The following FRRS1L variants were observed in gnomAD, a reference collection of about 807,000 sequenced individuals.
The protein encoded by FRRS1L is DOMON domain-containing protein FRRS1L.
In FRRS1L, 22 loss-of-function variants were observed where a neutral mutation model predicts 28.6. The observed-to-expected ratio is 0.77, with a 90% CI of 0.55 to 1.10. The LOEUF (loss-of-function observed/expected upper bound fraction) is 1.10. FRRS1L is among the 50% of genes least tolerant of loss of function. The probability of loss-of-function intolerance (pLI) is 0.00; values close to 1 mark genes in which losing one functional copy is unlikely to be tolerated. For synonymous variants in FRRS1L, 158 were observed against 151.4 expected, an observed-to-expected ratio of 1.04 and a Z score of -0.32; for missense variants, 380 against 386.9, an observed-to-expected ratio of 0.98 and a Z score of 0.15.
chr9:109,154,414 A>C (rs1412754760), intron 1 of FRRS1L, among the ~76,000 whole-genome samples: 2 of 152,212 alleles, frequency 1.3e-5, no homozygotes, highest in African/African-American at 4.8e-5. Context: ...TGATTGATGC[A>C]GACTAAATGG....
intron 2 of FRRS1L, chr9:109,147,696 CCA>C (rs1350296370): frequency 6.5e-6 from 1 of 152,758 alleles, no homozygotes; most frequent in Non-Finnish European, 1.5e-5. Flanking sequence ...AACTAATAAA[CCA>C]GGAACATTGA....
chr9:109,165,222 A>G (rs987462211), intron 1 of FRRS1L, among the ~76,000 whole-genome samples: 32 of 152,210 alleles, frequency 2.1e-4, no homozygotes, highest in African/African-American at 7.0e-4. Flanking sequence ...AGAAGACTAC[A>G]TTTCTTAGTC....
In FRRS1L at chr9:109,134,995, T is replaced by G. The variant is rs1475409382; in HGVS notation, c.*2460A>C. The G allele has an allele frequency of 6.6e-6, 1 of 152,222 alleles. No homozygotes were observed. Among genetic ancestry groups the G allele is most frequent in the African/African-American group, 2.4e-5 (1 of 41,454 alleles). 9.4% of individuals were successfully genotyped at this position (152,222 alleles called of 1,614,324 possible). Reference sequence around the variant, plus strand: ...GTTTGAATCCTACCCAGTTCCATTATGCACTTGATGTCATTTAATTTCTCC... The same window carrying G: ...GTTTGAATCCTACCCAGTTCCATTAGGCACTTGATGTCATTTAATTTCTCC... On this transcript the variant is annotated 3_prime_UTR_variant, in exon 5 of 5. Coordinates refer to ENST00000561981, the MANE Select transcript of FRRS1L (RefSeq NM_014334.4).
chr9:109,143,222 G>C (rs1018568611), intron 3 of FRRS1L, among the ~76,000 whole-genome samples: 10 of 152,102 alleles, frequency 6.6e-5, no homozygotes, highest in Non-Finnish European at 1.2e-4. Context: ...GGCTGAGGCA[G>C]GAGAGTCGCT....
intron 1 of FRRS1L, among the ~76,000 whole-genome samples, chr9:109,161,935 G>T (rs756092810): frequency 6.6e-6 from 1 of 152,150 alleles, no homozygotes; most frequent in Non-Finnish European, 1.5e-5. Context: ...AGCCTTCATG[G>T]TGGCACTCCA....
Position 109,141,578 on chromosome 9 carries a change from A to T in FRRS1L, c.474T>A (p.Asp158Glu). The change falls in exon 4 of 5, where the codon GAT becomes GAA. Residue 158 changes from aspartate (D) to glutamate (E), a missense_variant. Transcript: ENST00000561981. The stretch of plus-strand genomic sequence containing the variant: ...TGTCATCATGGACGCAGGCCATGAC[A>T]TCATCACCACCCTAACATGAGAAAT... ...FSSDKKMGGD[D>E]VMACVHDDNG... is the part of the protein sequence containing the mutation. The T allele has an allele frequency of 6.2e-7, 1 of 1,612,798 alleles. No homozygotes were observed. Among genetic ancestry groups the T allele is most frequent in the South Asian group, 1.1e-5 (1 of 91,048 alleles).
At chr9:109,157,269 G>A (rs1353193238) in intron 1 of FRRS1L, among the ~76,000 whole-genome samples, 12 of 152,046 alleles carry the variant, frequency 7.9e-5, no homozygotes, top group African/African-American at 2.9e-4. Flanking sequence ...TTATATTCTG[G>A]TATATGGCTG....
Position 109,132,824 on chromosome 9 carries a change from A to G in FRRS1L, c.*4631T>C, listed in dbSNP as rs1831072156. ...TCAGTGTCAATTAAGTTTTATTGGA[A>G]CATAGCCATGCTCATTCATTTATGT... On this transcript the variant is annotated 3_prime_UTR_variant, in exon 5 of 5. Transcript: ENST00000561981. 1 of 152,228 alleles carries G rather than the reference A, an allele frequency of 6.6e-6. No individual in the cohort carries two copies. The highest frequency in any genetic ancestry group is 2.1e-4 in the South Asian group (1 of 4,834). The allele number at this position is 152,228 out of a possible 1,614,324, so 9.4% of individuals were successfully genotyped here. A position where few individuals can be genotyped will look rare whatever the true frequency, so the allele number is the denominator to read the frequency against.
At chr9:109,141,280 T>C in intron 4 of FRRS1L, 63 bp downstream of exon 4, 3 of 1,587,024 alleles carry the variant, frequency 1.9e-6, no homozygotes, top group East Asian at 2.2e-5. Flanking sequence ...TGACTTCAAT[T>C]AACAATGAAC....
chr9:109,144,509 C>T (rs1298491271), intron 3 of FRRS1L, among the ~76,000 whole-genome samples: 1 of 151,842 alleles, frequency 6.6e-6, no homozygotes, highest in Non-Finnish European at 1.5e-5. Context: ...GGATTACAGG[C>T]ACCTGCCACC....
chr9:109,141,203 G>T (rs1831181065), intron 4 of FRRS1L, 140 bp downstream of exon 4: 1 of 821,834 alleles, frequency 1.2e-6, no homozygotes, highest in Admixed American at 2.5e-5. Flanking sequence ...CCTTCTGAAG[G>T]TAGGAGTCGC....
rs1311628457 is a variant in FRRS1L, at chr9:109,166,980, G to A, written c.159C>T (p.Asp53=). ...RGRARGDTGA[D]EAVPRHDSSY... ...AGGAGTCGTGGCGCGGCACCGCCTC[G>A]TCGGCGCCCGTGTCCCCCCGCGCGC... is the stretch of plus-strand genomic sequence containing the variant. The change falls in exon 1 of 5, where the codon GAC becomes GAT. Residue 53 remains aspartate (D), a synonymous_variant. Transcript: ENST00000561981. 2.3e-6 allele frequency: 3 copies of A among 1,298,732 alleles called. No homozygotes were observed. Among genetic ancestry groups the A allele is most frequent in the Non-Finnish European group, 2.9e-6 (3 of 1,017,468 alleles). The allele number at this position is 1,298,732 out of a possible 1,614,324, so 80.5% of individuals were successfully genotyped here. A position where few individuals can be genotyped will look rare whatever the true frequency, so the allele number is the denominator to read the frequency against.
intron 3 of FRRS1L, among the ~76,000 whole-genome samples, chr9:109,145,999 C>A (rs1831255526): frequency 6.6e-6 from 1 of 152,152 alleles, no homozygotes; most frequent in South Asian, 2.1e-4. Flanking sequence ...AGTTTGAGAA[C>A]AGCCTGGCCA....
intron 1 of FRRS1L, chr9:109,151,675 A>G (rs1458000992): frequency 1.1e-5 from 2 of 174,132 alleles, no homozygotes; most frequent in Non-Finnish European, 1.2e-5. Flanking sequence ...AAAGTGCACA[A>G]TAAATGTAAT....
intron 3 of FRRS1L, among the ~76,000 whole-genome samples, chr9:109,144,118 G>A (rs1173118087): frequency 6.6e-6 from 1 of 152,130 alleles, no homozygotes; most frequent in African/African-American, 2.4e-5. Context: ...GCTTCTGGGT[G>A]TGGCATGCCC....
chr9:109,144,461 C>T (rs1831228785), intron 3 of FRRS1L, among the ~76,000 whole-genome samples: 1 of 152,056 alleles, frequency 6.6e-6, no homozygotes, highest in South Asian at 2.1e-4. Flanking sequence ...ACCTCTGCCT[C>T]CTAAGCAATT....
chr9:109,159,416 A>G (rs1489368122), intron 1 of FRRS1L, among the ~76,000 whole-genome samples: 4 of 152,174 alleles, frequency 2.6e-5, no homozygotes, highest in African/African-American at 9.7e-5. Flanking sequence ...CACACCTGTA[A>G]TCCCAGCACT....
intron 3 of FRRS1L, among the ~76,000 whole-genome samples, chr9:109,143,049 T>G (rs554371027): frequency 6.6e-6 from 1 of 152,254 alleles, no homozygotes; most frequent in South Asian, 2.1e-4. Flanking sequence ...TCGGGTGTGA[T>G]GGCTCACGCC....
intron 1 of FRRS1L, among the ~76,000 whole-genome samples, chr9:109,156,115 C>T (rs191721489): frequency 6.6e-5 from 10 of 152,224 alleles, no homozygotes; most frequent in African/African-American, 1.2e-4. Flanking sequence ...GATCAGGGGC[C>T]GGCACACTAG....
Sources: gnomAD v4.1 joint callset for allele counts (sites outside exome capture counted in the v4.1 genomes callset) on GRCh38, gnomAD v4.1.1 for gene constraint, MANE v1.5 for transcripts, NCBI Gene and HGNC (gene_info 2026-07-23, HGNC 2026-07-21) for gene names.